The following SIRT2 variants were observed in gnomAD, a reference collection of about 807,000 sequenced individuals.
The protein encoded by SIRT2 is NAD-dependent protein deacetylase sirtuin-2.
A neutral mutation model predicts 57.4 loss-of-function variants in SIRT2; 40 were observed. The ratio of observed to expected loss-of-function variants is 0.70; its 90% CI spans 0.54 to 0.91. The LOEUF is 0.91. Among genes scored for constraint, SIRT2 ranks in the 40% least tolerant of loss-of-function variants. The pLI, the probability that SIRT2 is intolerant of heterozygous loss-of-function variation, is 0.00. For missense variants in SIRT2, 439 were observed against 510.4 expected (o/e 0.86, Z 1.35); for synonymous variants, 161 against 195.7 (o/e 0.82, Z 1.48).
In SIRT2 at chr19:38,893,731, G is replaced by T. The variant is rs903174115; in HGVS notation, c.112+88C>A. 2.0e-6 allele frequency: 3 copies of T among 1,490,654 alleles called. No homozygotes were observed. The African/African-American group carries it at 4.1e-5, about 21-fold the overall frequency. 92.3% of individuals were successfully genotyped at this position (1,490,654 alleles called of 1,614,324 possible). On this transcript the variant is annotated intron_variant, in intron 3 of 15. Coordinates refer to ENST00000249396, the MANE Select transcript of SIRT2 (RefSeq NM_012237.4). ...CATACTTTGGATGTCACTCCTGATG[G>T]AGTTGAGGAGGTATCACCCACACCC...
At chr19:38,899,034 A>G (rs1973833676) in intron 1 of SIRT2, 1 of 203,230 alleles carries the variant, frequency 4.9e-6, no homozygotes, top group East Asian at 1.2e-4. Flanking sequence ...TTTAGAAAGG[A>G]AAAGAGAAGG....
intron 8 of SIRT2, among the ~76,000 whole-genome samples, chr19:38,888,447 C>T (rs1973412002): frequency 6.6e-6 from 1 of 152,188 alleles, no homozygotes; most frequent in South Asian, 2.1e-4. Context: ...GCTGGGATTA[C>T]AGGTGTGAGC....
chr19:38,883,580 C>T (rs757333035), intron 9 of SIRT2, 47 bp downstream of exon 9: 9 of 1,598,864 alleles, frequency 5.6e-6, no homozygotes, highest in South Asian at 1.1e-5. Context: ...AGACACTGCT[C>T]CTGGTGCTGA....
At chr19:38,889,280 G>T (rs553895299) in intron 7 of SIRT2, 125 bp from the exon 8 acceptor site, 4 of 826,182 alleles carry the variant, frequency 4.8e-6, no homozygotes, top group African/African-American at 3.4e-5. Context: ...CAGCAGCCGC[G>T]TCGGGGAGAG....
intron 4 of SIRT2, chr19:38,891,728 C>T: frequency 5.2e-6 from 2 of 381,088 alleles, no homozygotes; most frequent in South Asian, 3.9e-5. Context: ...AACCACCACT[C>T]CCGGCCTCAA....
intron 8 of SIRT2, among the ~76,000 whole-genome samples, chr19:38,884,909 G>A (rs1353255056): frequency 1.3e-5 from 2 of 151,344 alleles, no homozygotes; most frequent in African/African-American, 4.9e-5. Flanking sequence ...TAGAGATGGG[G>A]TCTCACTATG....
intron 9 of SIRT2, among the ~76,000 whole-genome samples, chr19:38,883,075 G>GTTTTTTTTT (rs61706756): frequency 1.8e-5 from 2 of 110,406 alleles, no homozygotes; most frequent in African/African-American, 7.4e-5. Flanking sequence ...GTGACTTCTT[G>GTTTTTTTTT]TTTTTTTTTT....
chr19:38,879,695 G>T lies in SIRT2; in HGVS notation c.884C>A (p.Pro295His). 1 of 1,567,966 alleles carries T rather than the reference G, an allele frequency of 6.4e-7. No individual in the cohort carries two copies. Among genetic ancestry groups the T allele is most frequent in the Non-Finnish European group, 8.7e-7 (1 of 1,155,876 alleles). Reference protein sequence around the residue: ...INKEKAGQSDPFLGMIMGLGG... With the variant: ...INKEKAGQSDHFLGMIMGLGG... ...GAGGCCCATAATCATCCCCAGGAAA[G>T]GGTCCGACTGTCAGGGAGGGGGTGG... Residue 295 changes from proline to histidine, a missense_variant, in exon 14 of 16, where the codon CCT becomes CAT. By Grantham distance (77) the Pro-to-His change is moderately conservative. Coordinates refer to ENST00000249396, the MANE Select transcript of SIRT2 (RefSeq NM_012237.4).
Position 38,898,371 on chromosome 19 carries a change from C to A in SIRT2, c.63+8G>T. ...CTCTCCTCCCCTCCACCCTTTCCCC[C>A]ATCTCACCTGAGCCTCCTGCACCTT... is the stretch of plus-strand genomic sequence containing the variant. On this transcript the variant is annotated splice_region_variant and intron_variant, in intron 2 of 15. Transcript: ENST00000249396. 6.6e-7 allele frequency: 1 copy of A among 1,512,622 alleles called. No individual in the cohort carries two copies. The highest frequency in any genetic ancestry group is 8.9e-7 in the Non-Finnish European group (1 of 1,120,672). 93.7% of individuals were successfully genotyped at this position (1,512,622 alleles called of 1,614,324 possible).
chr19:38,884,434 T>C (rs1233588766), intron 8 of SIRT2, among the ~76,000 whole-genome samples: 1 of 151,786 alleles, frequency 6.6e-6, no homozygotes, highest in Admixed American at 6.6e-5. Context: ...TTACTAGGTG[T>C]GGTTTGTTTG....
In SIRT2 at chr19:38,880,099, A is replaced by G. The variant is rs1973096505; in HGVS notation, c.877-397T>C. 9.8e-6 allele frequency: 2 copies of G among 204,406 alleles called. No individual in the cohort carries two copies. Among genetic ancestry groups the G allele is most frequent in the Admixed American group, 5.3e-5 (1 of 18,804 alleles). The allele number at this position is 204,406 out of a possible 1,614,324, so 12.7% of individuals were successfully genotyped here. A position where few individuals can be genotyped will look rare whatever the true frequency, so the allele number is the denominator to read the frequency against. On this transcript the variant is annotated intron_variant, in intron 13 of 15. Coordinates refer to ENST00000249396, the MANE Select transcript of SIRT2 (RefSeq NM_012237.4). The surrounding 1 kb of genome is among the most constrained non-coding windows in gnomAD (Gnocchi z 4.1). The stretch of plus-strand genomic sequence containing the variant: ...CTCGGCCTCCCAAAGTGCTGGAATT[A>G]CAGGCGTGAGCCATTGCGCCCAGCC...
chr19:38,886,620 ATTTTTTT>A (rs551831229), intron 8 of SIRT2, among the ~76,000 whole-genome samples: 6 of 138,720 alleles, frequency 4.3e-5, no homozygotes, highest in Non-Finnish European at 9.5e-5. Context: ...TGCCTGGCTA[ATTTTTTT>A]TTTTTTTTTT....
intron 7 of SIRT2, 63 bp downstream of exon 7, chr19:38,889,626 G>C: frequency 6.3e-6 from 10 of 1,580,098 alleles, no homozygotes; most frequent in Non-Finnish European, 8.7e-6. Flanking sequence ...CCTTGGCGGG[G>C]CTTCTCATGC....
chr19:38,893,302 T>C, intron 4 of SIRT2, 112 bp downstream of exon 4: 1 of 717,638 alleles, frequency 1.4e-6, no homozygotes, highest in South Asian at 1.6e-5. Flanking sequence ...CAGCTGGGTT[T>C]CTTGCTACTT....
intron 2 of SIRT2, 81 bp from the exon 3 acceptor site, chr19:38,893,948 A>G (rs759032737): frequency 2.5e-6 from 4 of 1,596,418 alleles, no homozygotes; most frequent in Non-Finnish European, 2.6e-6. Flanking sequence ...AGGTTTGGGG[A>G]AAAGGCTGTG....
At chr19:38,888,115 T>C (rs1973402165) in intron 8 of SIRT2, among the ~76,000 whole-genome samples, 1 of 152,208 alleles carries the variant, frequency 6.6e-6, no homozygotes, top group Non-Finnish European at 1.5e-5. Context: ...ACTGTTGTAG[T>C]GCATCATGTC....
At chr19:38,879,379 G>A in intron 15 of SIRT2, 55 bp downstream of exon 15, 1 of 1,599,832 alleles carries the variant, frequency 6.3e-7, no homozygotes, top group Non-Finnish European at 8.5e-7. Context: ...CCATGGGGTG[G>A]GGAGAGGGTC....
At position 38,880,045 on chromosome 19, in the gene SIRT2, G is replaced by T; in HGVS notation, c.877-343C>A. ...TCACCATGTTGGTCAGGCTGGTCTC[G>T]AACTCCTGACCTCAGGTGATCCACC... On this transcript the variant is annotated intron_variant, in intron 13 of 15. Coordinates refer to ENST00000249396, the MANE Select transcript of SIRT2 (RefSeq NM_012237.4). This position sits in a 1 kb window ranked among gnomAD's most constrained non-coding sequence, Gnocchi z 4.1. 1 of 242,868 alleles carries T rather than the reference G, an allele frequency of 4.1e-6. No homozygotes were observed. Among genetic ancestry groups the T allele is most frequent in the Admixed American group, 5.0e-5 (1 of 19,904 alleles). 15.0% of individuals were successfully genotyped at this position (242,868 alleles called of 1,614,324 possible). A position where few individuals can be genotyped will look rare whatever the true frequency, so the allele number is the denominator to read the frequency against.
chr19:38,893,402 C>T lies in SIRT2; in HGVS notation c.226+12G>A, dbSNP rs767592592. 1 of 1,579,792 alleles carries T rather than the reference C, an allele frequency of 6.3e-7. No individual in the cohort carries two copies. Among genetic ancestry groups the T allele is most frequent in the Admixed American group, 1.7e-5 (1 of 59,928 alleles). ...GCCAGGCAAAGTGGCCCAATCCTGA[C>T]AGGGGACTCACAGCGTTCGCTCTGC... On this transcript the variant is annotated intron_variant, in intron 4 of 15. Coordinates refer to ENST00000249396, the MANE Select transcript of SIRT2 (RefSeq NM_012237.4).
Sources: allele counts gnomAD v4.1 joint callset (sites outside exome capture counted in the v4.1 genomes callset), GRCh38; gene constraint gnomAD v4.1.1; non-coding constraint Gnocchi (gnomAD v3.1); transcripts MANE v1.5; gene names NCBI Gene and HGNC (gene_info 2026-07-23, HGNC 2026-07-21).